Variants in B3GAT2 observed in about 807,000 individuals in gnomAD.
The protein encoded by B3GAT2 is beta-1,3-glucuronyltransferase 2.
Under a neutral mutation model 27.8 loss-of-function variants are expected in B3GAT2, and 26 were observed. The observed-to-expected ratio is 0.93, with a 90% CI of 0.68 to 1.30. The LOEUF is 1.30. Among genes scored for constraint, B3GAT2 ranks in the 50% most tolerant of loss-of-function variants. The pLI is 0.00. For missense variants in B3GAT2, 458 were observed against 459.0 expected, an observed-to-expected ratio of 1.00 and a Z score of 0.02; for synonymous variants, 218 against 195.1, an observed-to-expected ratio of 1.12 and a Z score of -0.98.
intron 2 of B3GAT2, among the ~76,000 whole-genome samples, chr6:70,867,545 T>C (rs1582339012): frequency 6.6e-6 from 1 of 152,148 alleles, no homozygotes; most frequent in Non-Finnish European, 1.5e-5. Context: ...CTTTTTATGA[T>C]AGTAAATTTG....
intron 1 of B3GAT2, among the ~76,000 whole-genome samples, chr6:70,928,926 C>A (rs1253232905): frequency 6.6e-6 from 1 of 152,148 alleles, no homozygotes; most frequent in Non-Finnish European, 1.5e-5. Context: ...TTTATTGAGG[C>A]ACTATTCACA....
At chr6:70,939,889 T>TATA (rs1344044845) in intron 1 of B3GAT2, among the ~76,000 whole-genome samples, 2 of 151,972 alleles carry the variant, frequency 1.3e-5, no homozygotes, top group South Asian at 4.2e-4. Flanking sequence ...AAACTTAAAG[T>TATA]ATAATAATAA....
At chr6:70,946,970 C>T (rs1765496553) in intron 1 of B3GAT2, among the ~76,000 whole-genome samples, 1 of 152,208 alleles carries the variant, frequency 6.6e-6, no homozygotes, top group South Asian at 2.1e-4. Flanking sequence ...ACAACCTGCT[C>T]CTGAATGACT....
intron 2 of B3GAT2, among the ~76,000 whole-genome samples, chr6:70,882,602 AG>A (rs1447493132): frequency 6.6e-6 from 1 of 152,248 alleles, no homozygotes; most frequent in Non-Finnish European, 1.5e-5. Context: ...AGAGTGGGAA[AG>A]GTAACCCATA....
chr6:70,884,149 C>T (rs992329797), intron 2 of B3GAT2, among the ~76,000 whole-genome samples: 4 of 151,186 alleles, frequency 2.6e-5, no homozygotes, highest in African/African-American at 9.7e-5. Flanking sequence ...TACCAGGCCT[C>T]ACCCTCAGAG....
chr6:70,895,528 C>CA (rs1415140239), intron 1 of B3GAT2, among the ~76,000 whole-genome samples: 9 of 75,870 alleles, frequency 1.2e-4, no homozygotes, highest in African/African-American at 4.1e-4. Context: ...TTTTTGGAGT[C>CA]AGAGTCTCAC....
At chr6:70,877,592 T>C (rs924685613) in intron 2 of B3GAT2, among the ~76,000 whole-genome samples, 1 of 152,180 alleles carries the variant, frequency 6.6e-6, no homozygotes, top group Non-Finnish European at 1.5e-5. Flanking sequence ...CAAAATCCTG[T>C]AGCCAAATCT....
Position 70,856,977 on chromosome 6 carries a change from A to C in B3GAT2, c.*4686T>G. ...GTGGCAAAGAAACAACTTTCCAAAGACTCCATCTTATCTCTGTATGGCACA... is the reference window on the plus strand; with the variant it reads ...GTGGCAAAGAAACAACTTTCCAAAGCCTCCATCTTATCTCTGTATGGCACA... On this transcript the variant is annotated 3_prime_UTR_variant, in exon 4 of 4. Coordinates refer to ENST00000230053, the MANE Select transcript of B3GAT2 (RefSeq NM_080742.3). 1 of 1,613,868 alleles carries C rather than the reference A, an allele frequency of 6.2e-7. No individual in the cohort carries two copies. Among genetic ancestry groups the C allele is most frequent in the Non-Finnish European group, 8.5e-7 (1 of 1,179,868 alleles).
At chr6:70,910,499 T>G (rs1384413289) in intron 1 of B3GAT2, among the ~76,000 whole-genome samples, 1 of 152,226 alleles carries the variant, frequency 6.6e-6, no homozygotes, top group Non-Finnish European at 1.5e-5. Flanking sequence ...GCAAAGGACA[T>G]CATCTTATTC....
chr6:70,935,583 T>C (rs558917297), intron 1 of B3GAT2, among the ~76,000 whole-genome samples: 2 of 152,208 alleles, frequency 1.3e-5, no homozygotes, highest in African/African-American at 4.8e-5. Context: ...TATATTTAAA[T>C]TTCATTACAA....
In B3GAT2 at chr6:70,956,323, G is replaced by A. The variant is rs1367497656; in HGVS notation, c.107C>T (p.Pro36Leu). The A allele has an allele frequency of 1.3e-6, 2 of 1,581,910 alleles. No individual in the cohort carries two copies. The highest frequency in any genetic ancestry group is 1.7e-6 in the Non-Finnish European group (2 of 1,163,632). The change falls in exon 1 of 4, where the codon CCG becomes CTG. Residue 36 changes from proline (P) to leucine (L), a missense_variant. Coordinates refer to ENST00000230053, the MANE Select transcript of B3GAT2 (RefSeq NM_080742.3). ...CGCGTAGGGAGAGAAGTAGGGGCGC[G>A]GGGTGAGCGGGGGCACTGGCCTGCG... is the stretch of plus-strand genomic sequence containing the variant. ...DTRRPVPPLT[P>L]RPYFSPYAVG...
In B3GAT2 at chr6:70,857,783, C is replaced by A; in HGVS notation, c.*3880G>T. Reference sequence around the variant, plus strand: ...TCTCAGGGTTTAGGTGTGGGTTGGTCTGAGTAGTAGGAGCAGCCAAACTGG... The same window carrying A: ...TCTCAGGGTTTAGGTGTGGGTTGGTATGAGTAGTAGGAGCAGCCAAACTGG... On this transcript the variant is annotated 3_prime_UTR_variant, in exon 4 of 4. Coordinates refer to ENST00000230053, the MANE Select transcript of B3GAT2 (RefSeq NM_080742.3). 1.2e-6 allele frequency: 1 copy of A among 851,536 alleles called. No homozygotes were observed. The highest frequency in any genetic ancestry group is 1.8e-6 in the Non-Finnish European group (1 of 558,406). 52.7% of individuals were successfully genotyped at this position (851,536 alleles called of 1,614,324 possible).
chr6:70,954,835 G>T (rs1765624453), intron 1 of B3GAT2, among the ~76,000 whole-genome samples: 1 of 142,208 alleles, frequency 7.0e-6, no homozygotes, highest in Non-Finnish European at 1.6e-5. Flanking sequence ...AGTCTCATTT[G>T]CAGGCTACAC....
intron 1 of B3GAT2, among the ~76,000 whole-genome samples, chr6:70,942,572 C>T (rs972586941): frequency 6.6e-6 from 1 of 152,168 alleles, no homozygotes; most frequent in African/African-American, 2.4e-5. Context: ...GCTTTACACT[C>T]CCAGACACAT....
At chr6:70,867,291 A>T (rs1771866244) in intron 2 of B3GAT2, among the ~76,000 whole-genome samples, 1 of 152,082 alleles carries the variant, frequency 6.6e-6, no homozygotes, top group Non-Finnish European at 1.5e-5. Flanking sequence ...TGAAGCCCAA[A>T]GTAAATGGAG....
chr6:70,866,191 AGT>A (rs1223904435), intron 2 of B3GAT2, among the ~76,000 whole-genome samples: 36 of 152,304 alleles, frequency 2.4e-4, no homozygotes. Context: ...CAGTAGCCAG[AGT>A]GGAGCTACCT....
At chr6:70,896,664 G>C (rs895163520) in intron 1 of B3GAT2, among the ~76,000 whole-genome samples, 3 of 152,178 alleles carry the variant, frequency 2.0e-5, no homozygotes, top group African/African-American at 7.2e-5. Context: ...ATGTGAATGT[G>C]TGTATGTGTA....
At chr6:70,917,415 T>TTTTAG (rs1772792306) in intron 1 of B3GAT2, among the ~76,000 whole-genome samples, 1 of 149,982 alleles carries the variant, frequency 6.7e-6, no homozygotes, top group African/African-American at 2.4e-5. Context: ...TCTGCTCTGA[T>TTTTAG]TTATTTCTTG....
At chr6:70,954,182 T>G (rs533296764) in intron 1 of B3GAT2, among the ~76,000 whole-genome samples, 21 of 152,232 alleles carry the variant, frequency 1.4e-4, no homozygotes, top group Non-Finnish European at 2.1e-4. Context: ...TTGTGGTGCA[T>G]TGAAATGTAC....
Sources: allele counts gnomAD v4.1 joint callset (sites outside exome capture counted in the v4.1 genomes callset), GRCh38; gene constraint gnomAD v4.1.1; transcripts MANE v1.5; gene names NCBI Gene and HGNC (gene_info 2026-07-23, HGNC 2026-07-21).